Variants in NEK1 observed in about 807,000 individuals in gnomAD.
NEK1 encodes serine/threonine-protein kinase Nek1.
In NEK1, 137 loss-of-function variants were observed where a neutral mutation model predicts 182.1. The ratio of observed to expected loss-of-function variants is 0.75; its 90% CI spans 0.65 to 0.87. The LOEUF (loss-of-function observed/expected upper bound fraction) is 0.87. Ranked by LOEUF, NEK1 falls within the 40% of genes least tolerant of loss-of-function variation. The probability of loss-of-function intolerance (pLI) is 0.00; values close to 1 mark genes in which losing one functional copy is unlikely to be tolerated. For missense variants in NEK1, 1,391 were observed against 1,494.4 expected, an observed-to-expected ratio of 0.93 and a Z score of 1.14; for synonymous variants, 513 against 492.2, an observed-to-expected ratio of 1.04 and a Z score of -0.56.
rs1355331355 is a variant in NEK1, at chr4:169,556,065, C to CTATA, written c.1293_1296dup (p.Ala433TyrfsTer13). On this transcript the variant is annotated frameshift_variant, in exon 17 of 36. Transcript: ENST00000507142. LOFTEE classifies it high-confidence loss of function. ...CCTCGAGAAGAAAAAGATGATGGAGCTATAGTCCCTCCACTGCCCAGAAAA... is the reference window on the plus strand; with the variant it reads ...CCTCGAGAAGAAAAAGATGATGGAGCTATATATAGTCCCTCCACTGCCCAGAAAA... 11 of 1,613,074 alleles carry CTATA rather than the reference C, an allele frequency of 6.8e-6. No homozygotes were observed. The African/African-American group carries it at 1.5e-4, about 22-fold the overall frequency.
intron 29 of NEK1, among the ~76,000 whole-genome samples, chr4:169,431,609 T>C (rs1318199820): frequency 6.6e-6 from 1 of 151,920 alleles, no homozygotes; most frequent in East Asian, 1.9e-4. Context: ...AAATCAAATA[T>C]TTAAATGTAT....
intron 31 of NEK1, among the ~76,000 whole-genome samples, chr4:169,409,412 G>T (rs1229491628): frequency 1.3e-5 from 2 of 151,960 alleles, no homozygotes; most frequent in Non-Finnish European, 2.9e-5. Context: ...CCAAAGTGCT[G>T]GGATTACAGG....
chr4:169,535,603 C>T (rs13119871), intron 19 of NEK1, among the ~76,000 whole-genome samples: 24,333 of 151,836 alleles, frequency 0.16, 2,470 homozygotes, highest in South Asian at 0.31. Context: ...ATGGGCCAGA[C>T]GCAGTGGGCT....
intron 5 of NEK1, among the ~76,000 whole-genome samples, chr4:169,592,480 T>TA (rs1319450964): frequency 6.6e-6 from 1 of 152,038 alleles, no homozygotes; most frequent in Non-Finnish European, 1.5e-5. Flanking sequence ...TACCCCTATT[T>TA]AAAAAAATAT....
chr4:169,422,994 T>C (rs529651642), intron 31 of NEK1, among the ~76,000 whole-genome samples: 83 of 152,238 alleles, frequency 5.5e-4, no homozygotes, highest in Middle Eastern at 3.4e-3. Flanking sequence ...AAGACTGATA[T>C]TAGATACATG....
rs185170478 is a variant in NEK1, at chr4:169,604,535, G to A, written c.-48-1857C>T. Among the ~76,000 whole-genome samples, 84 of 152,262 alleles carry A rather than the reference G, an allele frequency of 5.5e-4. No individual in the cohort carries two copies. In the East Asian group the frequency reaches 0.014, roughly 26 times the overall value. On this transcript the variant is annotated intron_variant, in intron 2 of 35. Transcript: ENST00000507142. Reference sequence around the variant, plus strand: ...TCCAATGTGTGATTCCTTTCTAGGAGAAAATAAGTTTGTCGTGAAACTCTT... The same window carrying A: ...TCCAATGTGTGATTCCTTTCTAGGAAAAAATAAGTTTGTCGTGAAACTCTT...
chr4:169,578,899 G>T (rs758361048), intron 11 of NEK1, among the ~76,000 whole-genome samples: 4 of 152,052 alleles, frequency 2.6e-5, no homozygotes, highest in Non-Finnish European at 5.9e-5. Flanking sequence ...AGAAAAAAAA[G>T]ATTTCCCTTT....
intron 26 of NEK1, among the ~76,000 whole-genome samples, chr4:169,469,458 A>C (rs953955800): frequency 6.6e-6 from 1 of 152,094 alleles, no homozygotes; most frequent in Non-Finnish European, 1.5e-5. Flanking sequence ...CTCAGTTCTA[A>C]TTTGATTGCA....
In NEK1 at chr4:169,589,449, A is replaced by G; in HGVS notation, c.462T>C (p.Asn154=). ...LGDFGIARVL[N]STVELARTCI... ...ACAAAGTTTAAAATTCATGTTACCT[A>G]TTAAGAACTCTAGCAATTCCAAAAT... The change falls in exon 7 of 36, where the codon AAT becomes AAC. Residue 154 remains asparagine (N), a splice_region_variant and synonymous_variant. Coordinates refer to ENST00000507142, the MANE Select transcript of NEK1 (RefSeq NM_001199397.3). 2.7e-6 allele frequency: 4 copies of G among 1,482,078 alleles called. No individual in the cohort carries two copies. Among genetic ancestry groups the G allele is most frequent in the Admixed American group, 2.1e-5 (1 of 48,058 alleles). The allele number at this position is 1,482,078 out of a possible 1,614,324, so 91.8% of individuals were successfully genotyped here. A position where few individuals can be genotyped will look rare whatever the true frequency, so the allele number is the denominator to read the frequency against.
In NEK1 at chr4:169,500,082, C is replaced by T. The variant is rs536200805; in HGVS notation, c.2007+6955G>A. On this transcript the variant is annotated intron_variant, in intron 23 of 35. Coordinates refer to ENST00000507142, the MANE Select transcript of NEK1 (RefSeq NM_001199397.3). Reference sequence around the variant, plus strand: ...GCTTCCCGGCCACTTTGTTTACCTACTCAAGCCTTGGCAATGGTGGGCACC... The same window carrying T: ...GCTTCCCGGCCACTTTGTTTACCTATTCAAGCCTTGGCAATGGTGGGCACC... 6.1e-4 allele frequency among the ~76,000 whole-genome samples: 93 copies of T among 152,164 alleles called. 1 individual carries two copies. Among genetic ancestry groups the T allele is most frequent in the Non-Finnish European group, 1.1e-3 (74 of 68,026 alleles).
At chr4:169,476,937 T>A (rs1337987588) in intron 26 of NEK1, among the ~76,000 whole-genome samples, 187 bp downstream of exon 26, 1 of 152,090 alleles carries the variant, frequency 6.6e-6, no homozygotes, top group African/African-American at 2.4e-5. Flanking sequence ...TTAGTTTGAT[T>A]AGTTTTCTCT....
At chr4:169,550,251 T>C (rs1023198042) in intron 18 of NEK1, among the ~76,000 whole-genome samples, 4 of 152,192 alleles carry the variant, frequency 2.6e-5, no homozygotes, top group Admixed American at 2.6e-4. Flanking sequence ...CTGCAAGACA[T>C]GACTTTACTT....
At chr4:169,478,713 G>A (rs1055616499) in intron 24 of NEK1, among the ~76,000 whole-genome samples, 5 of 152,072 alleles carry the variant, frequency 3.3e-5, no homozygotes, top group African/African-American at 1.2e-4. Flanking sequence ...AGGGGAAAAT[G>A]AAGTTATTAT....
At chr4:169,608,263 G>C (rs1397837264) in intron 2 of NEK1, among the ~76,000 whole-genome samples, 1 of 152,018 alleles carries the variant, frequency 6.6e-6, no homozygotes, top group Admixed American at 6.5e-5. Flanking sequence ...ATCACAGGAA[G>C]TCCAGAAATC....
At chr4:169,464,590 C>T (rs1579894718) in intron 26 of NEK1, among the ~76,000 whole-genome samples, 1 of 152,056 alleles carries the variant, frequency 6.6e-6, no homozygotes, top group Middle Eastern at 3.4e-3. Context: ...TTTTGGATTT[C>T]AGATTTTGGA....
intron 19 of NEK1, among the ~76,000 whole-genome samples, chr4:169,511,688 A>G (rs1218989704): frequency 6.6e-6 from 1 of 152,076 alleles, no homozygotes; most frequent in Non-Finnish European, 1.5e-5. Context: ...CATCTACACA[A>G]TTTTGTCACT....
intron 5 of NEK1, among the ~76,000 whole-genome samples, chr4:169,592,755 A>ATT (rs1407447316): frequency 3.3e-5 from 5 of 152,070 alleles, no homozygotes; most frequent in African/African-American, 9.7e-5. Context: ...TGAGGATTAC[A>ATT]TAGATTGTTA....
intron 27 of NEK1, among the ~76,000 whole-genome samples, chr4:169,460,806 C>T (rs1337786435): frequency 6.6e-6 from 1 of 151,752 alleles, no homozygotes; most frequent in Non-Finnish European, 1.5e-5. Flanking sequence ...TAAAGACAGT[C>T]AAGGAAAAAA....
intron 18 of NEK1, among the ~76,000 whole-genome samples, chr4:169,543,064 T>G (rs1020076138): frequency 6.6e-6 from 1 of 152,206 alleles, no homozygotes; most frequent in Non-Finnish European, 1.5e-5. Context: ...TCTTTGACCA[T>G]GCCTATGTCC....
Sources: gnomAD v4.1 joint callset for allele counts (sites outside exome capture counted in the v4.1 genomes callset) on GRCh38, gnomAD v4.1.1 for gene constraint, MANE v1.5 for transcripts, NCBI Gene and HGNC (gene_info 2026-07-23, HGNC 2026-07-21) for gene names.